The following GRIK2 variants were observed in gnomAD, a reference collection of about 807,000 sequenced individuals.
GRIK2 encodes the protein glutamate ionotropic receptor kainate type subunit 2.
Under a neutral mutation model 100.3 loss-of-function variants are expected in GRIK2, and 32 were observed. The observed-to-expected ratio is 0.32, with a 90% CI of 0.24 to 0.43. GRIK2 has a LOEUF of 0.43. Among genes scored for constraint, GRIK2 ranks in the 20% least tolerant of loss-of-function variants. The pLI is 1.00. For synonymous variants in GRIK2, 417 were observed against 389.4 expected (o/e 1.07, Z -0.83); for missense variants, 843 against 1,114.9 (o/e 0.76, Z 3.47).
intron 14 of GRIK2, among the ~76,000 whole-genome samples, chr6:102,003,782 T>C (rs2114273310): frequency 6.6e-6 from 1 of 151,896 alleles, no homozygotes; most frequent in South Asian, 2.1e-4. Context: ...AAGTATCTAA[T>C]AATTGTTCCT....
At position 101,928,552 on chromosome 6, in the gene GRIK2, G is replaced by A. The variant is rs1315738355; in HGVS notation, c.2005G>A (p.Asp669Asn). Residue 669 changes from aspartate (D) to asparagine (N), a missense_variant, in exon 14 of 17, where the codon GAC (aspartate) becomes AAC (asparagine). Physicochemically the swap from Asp to Asn is conservative, Grantham distance 23 (BLOSUM62 1). This residue lies in a region of GRIK2 where 237 missense variants were observed against 388.0 expected (regional missense o/e 0.61). Coordinates refer to ENST00000369134, the MANE Select transcript of GRIK2 (RefSeq NM_021956.5). Reference protein sequence around the residue: ...LTVERMESPIDSADDLAKQTK... With the variant: ...LTVERMESPINSADDLAKQTK... ...AGTGGAACGCATGGAATCCCCTATT[G>A]ACTCTGCTGATGATTTAGCTAAACA... 3.1e-6 allele frequency: 5 copies of A among 1,604,970 alleles called. No individual in the cohort carries two copies. The South Asian group carries it at 3.3e-5, about 11-fold the overall frequency.
chr6:101,445,709 T>C (rs1770335723), intron 2 of GRIK2, among the ~76,000 whole-genome samples: 1 of 152,128 alleles, frequency 6.6e-6, no homozygotes, highest in Non-Finnish European at 1.5e-5. Context: ...ACTAACTCTA[T>C]AGCAAATTCT....
intron 2 of GRIK2, among the ~76,000 whole-genome samples, chr6:101,601,378 A>G (rs957429004): frequency 3.3e-5 from 5 of 151,808 alleles, no homozygotes; most frequent in African/African-American, 1.2e-4. Context: ...CACCAGGGAT[A>G]TTAGGCTGTA....
chr6:101,943,575 C>T (rs747618168), intron 14 of GRIK2, among the ~76,000 whole-genome samples: 3 of 152,212 alleles, frequency 2.0e-5, no homozygotes, highest in African/African-American at 4.8e-5. Context: ...GGGAGCCCAC[C>T]TCTTGCATCA....
intron 3 of GRIK2, among the ~76,000 whole-genome samples, chr6:101,624,802 G>T (rs1414987463): frequency 6.6e-6 from 1 of 152,202 alleles, no homozygotes; most frequent in East Asian, 1.9e-4. Context: ...CACCATCATG[G>T]CTCACTGCAA....
intron 2 of GRIK2, among the ~76,000 whole-genome samples, chr6:101,456,824 A>G (rs999890944): frequency 1.8e-4 from 28 of 152,078 alleles, no homozygotes; most frequent in East Asian, 1.2e-3. Flanking sequence ...AGTTTTAAAT[A>G]TTTTCAGACT....
intron 14 of GRIK2, among the ~76,000 whole-genome samples, chr6:101,931,904 G>T (rs1562494796): frequency 6.6e-6 from 1 of 151,964 alleles, no homozygotes; most frequent in African/African-American, 2.4e-5. Context: ...CTTGGAATCT[G>T]GGAATTTAGT....
intron 14 of GRIK2, among the ~76,000 whole-genome samples, chr6:102,018,874 G>GT (rs1769271647): frequency 6.6e-6 from 1 of 152,072 alleles, no homozygotes; most frequent in Admixed American, 6.6e-5. Context: ...TTTAATGATT[G>GT]TAGTAAGAAT....
intron 7 of GRIK2, among the ~76,000 whole-genome samples, chr6:101,728,134 A>AT (rs937295212): frequency 1.7e-4 from 26 of 152,134 alleles, no homozygotes; most frequent in African/African-American, 6.0e-4. Context: ...TATTTGAAAT[A>AT]ATTTGGTTAA....
intron 14 of GRIK2, among the ~76,000 whole-genome samples, chr6:102,016,330 A>G (rs1795829619): frequency 6.6e-6 from 1 of 152,150 alleles, no homozygotes; most frequent in African/African-American, 2.4e-5. Flanking sequence ...AAAACACACT[A>G]TAATAATTTT....
At chr6:101,864,051 G>A (rs1784899989) in intron 11 of GRIK2, among the ~76,000 whole-genome samples, 1 of 151,136 alleles carries the variant, frequency 6.6e-6, no homozygotes, top group African/African-American at 2.4e-5. Context: ...GCAGGAGAAT[G>A]GCGTGAACCC....
chr6:101,754,877 G>A (rs1777028703), intron 7 of GRIK2, among the ~76,000 whole-genome samples: 1 of 152,160 alleles, frequency 6.6e-6, no homozygotes, highest in South Asian at 2.1e-4. Context: ...GGAATCAGAG[G>A]AGTAAGGGAT....
At chr6:101,530,718 T>C (rs1274382639) in intron 2 of GRIK2, among the ~76,000 whole-genome samples, 1 of 152,020 alleles carries the variant, frequency 6.6e-6, no homozygotes, top group Non-Finnish European at 1.5e-5. Flanking sequence ...GAAGAAATTT[T>C]TGGTGACTGA....
intron 14 of GRIK2, among the ~76,000 whole-genome samples, chr6:102,010,694 T>A (rs964384859): frequency 6.6e-6 from 1 of 151,694 alleles, no homozygotes; most frequent in African/African-American, 2.4e-5. Flanking sequence ...CCTCCCTTCT[T>A]CTTAACCCAT....
chr6:101,662,976 A>G (rs547134414), intron 4 of GRIK2, among the ~76,000 whole-genome samples: 60 of 152,254 alleles, frequency 3.9e-4, no homozygotes, highest in African/African-American at 1.4e-3. Flanking sequence ...CACAACTACT[A>G]AAGACTTTGG....
intron 4 of GRIK2, among the ~76,000 whole-genome samples, chr6:101,658,192 C>G (rs750568844): frequency 7.9e-5 from 12 of 152,140 alleles, no homozygotes; most frequent in Admixed American, 5.2e-4. Flanking sequence ...TCTCCTAATA[C>G]TATCCCTCCC....
intron 14 of GRIK2, among the ~76,000 whole-genome samples, chr6:101,998,793 A>T: frequency 6.9e-6 from 1 of 144,334 alleles, no homozygotes; most frequent in African/African-American, 2.5e-5. Context: ...TATATGTGTG[A>T]GTTTTTCTTT....
chr6:101,959,906 C>T (rs1792176246), intron 14 of GRIK2, among the ~76,000 whole-genome samples: 1 of 152,072 alleles, frequency 6.6e-6, no homozygotes, highest in Admixed American at 6.6e-5. Context: ...ACCTAATTCC[C>T]TGGCCAGACC....
At chr6:101,756,176 G>T (rs112933860) in intron 7 of GRIK2, among the ~76,000 whole-genome samples, 7 of 152,086 alleles carry the variant, frequency 4.6e-5, no homozygotes, top group African/African-American at 1.4e-4. Flanking sequence ...TTTCCCTAAG[G>T]GAGTAGTTAG....
Sources: allele counts gnomAD v4.1 joint callset (sites outside exome capture counted in the v4.1 genomes callset), GRCh38; gene constraint gnomAD v4.1.1; regional missense constraint gnomAD v4.1.1; transcripts MANE v1.5; gene names NCBI Gene and HGNC (gene_info 2026-07-23, HGNC 2026-07-21).